The following UNC5D variants were observed in gnomAD, a reference collection of about 807,000 sequenced individuals.
UNC5D encodes the protein netrin receptor UNC5D.
A neutral mutation model predicts 105.4 loss-of-function variants in UNC5D; 39 were observed. The observed-to-expected ratio is 0.37, with a 90% CI of 0.29 to 0.48. UNC5D has a LOEUF of 0.48. Among genes scored for constraint, UNC5D ranks in the 20% least tolerant of loss-of-function variants. The probability of loss-of-function intolerance (pLI) is 0.98; values close to 1 mark genes in which losing one functional copy is unlikely to be tolerated. For synonymous variants in UNC5D, 452 were observed against 450.4 expected, an observed-to-expected ratio of 1.00 and a Z score of -0.04; for missense variants, 991 against 1,202.4, an observed-to-expected ratio of 0.82 and a Z score of 2.60.
At chr8:35,615,601 G>A (rs1820983808) in intron 4 of UNC5D, among the ~76,000 whole-genome samples, 1 of 152,076 alleles carries the variant, frequency 6.6e-6, no homozygotes, top group African/African-American at 2.4e-5. Flanking sequence ...AATTTAACTG[G>A]CATGAACTGC....
rs190816661 is a variant in UNC5D at position 35,364,582 on chromosome 8, T to C, written c.103+128695T>C. 2.0e-5 allele frequency among the ~76,000 whole-genome samples: 3 copies of C among 152,304 alleles called. No homozygotes were observed. The East Asian group carries it at 5.8e-4, about 30-fold the overall frequency. ...GGTTGGGGAGTAAGGCATGTTATTGTTATTGGAGTACCATTGGTTTCAGGC... is the reference window on the plus strand; with the variant it reads ...GGTTGGGGAGTAAGGCATGTTATTGCTATTGGAGTACCATTGGTTTCAGGC... On this transcript the variant is annotated intron_variant, in intron 1 of 16. Transcript: ENST00000404895.
chr8:35,392,879 A>G (rs1326212123), intron 1 of UNC5D, among the ~76,000 whole-genome samples: 1 of 152,132 alleles, frequency 6.6e-6, no homozygotes, highest in African/African-American at 2.4e-5. Flanking sequence ...GGTATTTATT[A>G]CTTAGCATTT....
intron 1 of UNC5D, among the ~76,000 whole-genome samples, chr8:35,365,477 C>A (rs1802059693): frequency 6.6e-6 from 1 of 151,238 alleles, no homozygotes; most frequent in Non-Finnish European, 1.5e-5. Flanking sequence ...AGAAAAGATT[C>A]CAACTGGAAG....
chr8:35,376,234 G>C (rs1379371514), intron 1 of UNC5D, among the ~76,000 whole-genome samples: 1 of 152,176 alleles, frequency 6.6e-6, no homozygotes, highest in African/African-American at 2.4e-5. Flanking sequence ...TTTTGCACTA[G>C]TTAGCAACAG....
At chr8:35,555,329 G>A (rs1416708823) in intron 2 of UNC5D, among the ~76,000 whole-genome samples, 1 of 152,140 alleles carries the variant, frequency 6.6e-6, no homozygotes, top group Non-Finnish European at 1.5e-5. Flanking sequence ...TGAAGGCCTT[G>A]TTTCCTATAG....
intron 1 of UNC5D, among the ~76,000 whole-genome samples, chr8:35,314,038 T>A (rs1338923851): frequency 1.3e-5 from 2 of 152,190 alleles, no homozygotes; most frequent in Non-Finnish European, 2.9e-5. Flanking sequence ...AACATTTGGA[T>A]TCTGAAAATA....
chr8:35,680,097 G>A (rs923160696), intron 4 of UNC5D, among the ~76,000 whole-genome samples: 1 of 152,122 alleles, frequency 6.6e-6, no homozygotes, highest in Non-Finnish European at 1.5e-5. Flanking sequence ...GAGTCCTCAT[G>A]ATCTGATCTC....
At chr8:35,672,519 G>C (rs1466778901) in intron 4 of UNC5D, among the ~76,000 whole-genome samples, 1 of 152,166 alleles carries the variant, frequency 6.6e-6, no homozygotes, top group Non-Finnish European at 1.5e-5. Context: ...TTCAAAAGCA[G>C]ATTGTTTCCC....
At chr8:35,430,794 T>C (rs765125338) in intron 1 of UNC5D, among the ~76,000 whole-genome samples, 1 of 152,138 alleles carries the variant, frequency 6.6e-6, no homozygotes, top group Admixed American at 6.5e-5. Context: ...ATAACCCCTA[T>C]CAGCTCTGTT....
At chr8:35,691,395 A>T (rs1040355638) in intron 7 of UNC5D, among the ~76,000 whole-genome samples, 1 of 152,076 alleles carries the variant, frequency 6.6e-6, no homozygotes. Flanking sequence ...GCTGAGGCAG[A>T]AGGATCACTT....
At chr8:35,697,780 G>T (rs1023423085) in intron 7 of UNC5D, among the ~76,000 whole-genome samples, 2 of 152,056 alleles carry the variant, frequency 1.3e-5, no homozygotes, top group Non-Finnish European at 2.9e-5. Context: ...CAGGTAATTT[G>T]GTCTGTAATG....
At chr8:35,295,261 T>G (rs1343637888) in intron 1 of UNC5D, among the ~76,000 whole-genome samples, 1 of 152,214 alleles carries the variant, frequency 6.6e-6, no homozygotes, top group Non-Finnish European at 1.5e-5. Flanking sequence ...ACAATAGATT[T>G]TATGGTAGTA....
chr8:35,420,824 A>C (rs748794100), intron 1 of UNC5D, among the ~76,000 whole-genome samples: 2 of 152,192 alleles, frequency 1.3e-5, no homozygotes, highest in Middle Eastern at 3.4e-3. Flanking sequence ...CTTAGTACAG[A>C]AAGGGTAGGC....
chr8:35,315,287 G>T lies in UNC5D; in HGVS notation c.103+79400G>T, dbSNP rs528957520. Among the ~76,000 whole-genome samples the T allele has an allele frequency of 5.9e-5, 9 of 152,216 alleles. No individual in the cohort carries two copies. In the East Asian group the frequency reaches 1.7e-3, roughly 29 times the overall value. On this transcript the variant is annotated intron_variant, in intron 1 of 16. Transcript: ENST00000404895. The stretch of plus-strand genomic sequence containing the variant: ...CATTTACTATTGCTCTTGAGTCTAG[G>T]AATCTGCAGGGTGATTGTTCCCCTA...
At chr8:35,409,347 T>G (rs1805008637) in intron 1 of UNC5D, among the ~76,000 whole-genome samples, 2 of 152,100 alleles carry the variant, frequency 1.3e-5, no homozygotes, top group African/African-American at 4.8e-5. Flanking sequence ...ATTCTGCATT[T>G]CCATCAGCAG....
intron 1 of UNC5D, among the ~76,000 whole-genome samples, chr8:35,422,044 C>G (rs1805939902): frequency 6.6e-6 from 1 of 152,088 alleles, no homozygotes; most frequent in African/African-American, 2.4e-5. Flanking sequence ...TTTTTTAACT[C>G]TGAAATGATG....
At chr8:35,530,055 T>C (rs1314402958) in intron 1 of UNC5D, among the ~76,000 whole-genome samples, 1 of 150,890 alleles carries the variant, frequency 6.6e-6, no homozygotes, top group Non-Finnish European at 1.5e-5. Flanking sequence ...CCTGCCTGAT[T>C]GCCCTGGCCA....
chr8:35,533,422 G>A (rs1237598603), intron 1 of UNC5D, among the ~76,000 whole-genome samples: 13 of 152,058 alleles, frequency 8.5e-5, no homozygotes, highest in African/African-American at 2.7e-4. Context: ...CTCCAGCTGC[G>A]TGCTGGGAGA....
intron 1 of UNC5D, among the ~76,000 whole-genome samples, chr8:35,394,416 T>C (rs1458426177): frequency 6.6e-6 from 1 of 152,188 alleles, no homozygotes; most frequent in East Asian, 1.9e-4. Flanking sequence ...TGTGTGTATG[T>C]ATTTCATTTT....
Sources: allele counts gnomAD v4.1 joint callset (sites outside exome capture counted in the v4.1 genomes callset), GRCh38; gene constraint gnomAD v4.1.1; transcripts MANE v1.5; gene names NCBI Gene and HGNC (gene_info 2026-07-23, HGNC 2026-07-21).